Variants in QTMAN observed in about 807,000 individuals in gnomAD.
QTMAN encodes the protein tRNA-queuosine alpha-mannosyltransferase.
chr2:144,063,902 A>G, the QTMAN span, among the ~76,000 whole-genome samples: 2 of 152,216 alleles, frequency 1.3e-5, no homozygotes, highest in South Asian at 4.1e-4. Flanking sequence ...GAAATTTAAC[A>G]CAGGCCAAGT....
At chr2:144,328,240 C>T in the QTMAN span, among the ~76,000 whole-genome samples, 5 of 152,082 alleles carry the variant, frequency 3.3e-5, no homozygotes, top group African/African-American at 1.2e-4. Context: ...CATGAGCCAC[C>T]ACATCTGGCT....
At chr2:144,098,520 G>A in the QTMAN span, among the ~76,000 whole-genome samples, 1 of 152,048 alleles carries the variant, frequency 6.6e-6, no homozygotes, top group Admixed American at 6.6e-5. Context: ...TTCGAGACCA[G>A]CCTGGGCAAC....
the QTMAN span, among the ~76,000 whole-genome samples, chr2:144,286,825 T>C: frequency 6.6e-6 from 1 of 152,254 alleles, no homozygotes; most frequent in African/African-American, 2.4e-5. Context: ...ATCTGTACTC[T>C]GCAGATTTGT....
the QTMAN span, among the ~76,000 whole-genome samples, chr2:144,051,829 G>A: frequency 1.8e-3 from 275 of 152,246 alleles, 1 homozygote; most frequent in African/African-American, 6.5e-3. Context: ...AAAGGCGGAG[G>A]GGCAGTCTAG....
the QTMAN span, among the ~76,000 whole-genome samples, chr2:144,311,264 C>T: frequency 1.3e-5 from 2 of 152,202 alleles, no homozygotes; most frequent in Non-Finnish European, 2.9e-5. Flanking sequence ...AAACTAATTG[C>T]TCTGCCAAGT....
At chr2:144,044,379 T>C in the QTMAN span, among the ~76,000 whole-genome samples, 2 of 152,088 alleles carry the variant, frequency 1.3e-5, no homozygotes, top group African/African-American at 4.8e-5. Context: ...GGCTCAGCCG[T>C]CCATCTCAAT....
chr2:144,218,499 T>G, the QTMAN span, among the ~76,000 whole-genome samples: 16 of 152,336 alleles, frequency 1.1e-4, no homozygotes, highest in East Asian at 7.7e-4. Flanking sequence ...ATGCCAACAT[T>G]TAACTCAGAC....
At chr2:143,999,640 A>G in the QTMAN span, among the ~76,000 whole-genome samples, 152 of 152,158 alleles carry the variant, frequency 1.0e-3, no homozygotes, top group Admixed American at 3.2e-3. Flanking sequence ...CATATCACCT[A>G]GCTATCTACT....
At chr2:144,071,026 G>C in the QTMAN span, among the ~76,000 whole-genome samples, 1 of 152,064 alleles carries the variant, frequency 6.6e-6, no homozygotes, top group Non-Finnish European at 1.5e-5. Context: ...AGAAAAGAGG[G>C]TTGTTATTTA....
At chr2:144,208,284 A>G in the QTMAN span, among the ~76,000 whole-genome samples, 1 of 152,196 alleles carries the variant, frequency 6.6e-6, no homozygotes, top group Non-Finnish European at 1.5e-5. Context: ...AGCAGATACA[A>G]TGAACCAAAC....
chr2:144,291,424 C>T, the QTMAN span, among the ~76,000 whole-genome samples: 2 of 152,172 alleles, frequency 1.3e-5, no homozygotes, highest in Non-Finnish European at 2.9e-5. Context: ...TGCACCCTCA[C>T]CCTTTATTCA....
the QTMAN span, among the ~76,000 whole-genome samples, chr2:144,255,194 A>C: frequency 6.6e-6 from 1 of 152,148 alleles, no homozygotes; most frequent in African/African-American, 2.4e-5. Context: ...GGGCAAAATG[A>C]TATGATTTGG....
the QTMAN span, among the ~76,000 whole-genome samples, chr2:144,180,446 T>TA: frequency 3.8e-3 from 579 of 152,134 alleles, 3 homozygotes; most frequent in African/African-American, 0.012. Context: ...TCTGAACTGT[T>TA]AAAAAAAATT....
At chr2:144,213,754 A>G in the QTMAN span, among the ~76,000 whole-genome samples, 1 of 152,210 alleles carries the variant, frequency 6.6e-6, no homozygotes, top group Non-Finnish European at 1.5e-5. Flanking sequence ...ATATTTGGAA[A>G]CTTAAGCTTG....
the QTMAN span, among the ~76,000 whole-genome samples, chr2:144,082,890 G>GCA: frequency 2.2e-3 from 319 of 148,304 alleles, 2 homozygotes; most frequent in East Asian, 8.9e-3. Context: ...AAATACACAC[G>GCA]CACACACACA....
chr2:144,070,515 TAACAC>T, the QTMAN span, among the ~76,000 whole-genome samples: 1 of 152,076 alleles, frequency 6.6e-6, no homozygotes, highest in African/African-American at 2.4e-5. Context: ...GTGAAATACA[TAACAC>T]AATACAACAT....
the QTMAN span, among the ~76,000 whole-genome samples, chr2:144,229,589 A>C: frequency 1.3e-5 from 2 of 152,252 alleles, no homozygotes; most frequent in East Asian, 3.9e-4. Context: ...AGGAGCAATC[A>C]CTCATTCCTG....
At chr2:144,207,954 A>G in the QTMAN span, among the ~76,000 whole-genome samples, 2 of 151,960 alleles carry the variant, frequency 1.3e-5, no homozygotes, top group African/African-American at 4.8e-5. Flanking sequence ...AGGCTCAAGC[A>G]ATCCTCCCAC....
chr2:144,265,012 A>G, the QTMAN span, among the ~76,000 whole-genome samples: 1 of 152,238 alleles, frequency 6.6e-6, no homozygotes, highest in Non-Finnish European at 1.5e-5. Flanking sequence ...GAAGACAGGG[A>G]GGCAGTGTAC....
Sources: allele counts gnomAD v4.1 joint callset (sites outside exome capture counted in the v4.1 genomes callset), GRCh38; gene constraint gnomAD v4.1.1; transcripts MANE v1.5; gene names NCBI Gene and HGNC (gene_info 2026-07-23, HGNC 2026-07-21).